The following ADGRL2 variants were observed in gnomAD, a reference collection of about 807,000 sequenced individuals.
ADGRL2 encodes the protein calcium-independent alpha-latrotoxin receptor 2.
In ADGRL2, 44 loss-of-function variants were observed where a neutral mutation model predicts 157.4. That is an observed-to-expected ratio of 0.28 (90% CI 0.22 to 0.36). The LOEUF is 0.36. ADGRL2 is among the 10% of genes least tolerant of loss of function. The pLI, the probability that ADGRL2 is intolerant of heterozygous loss-of-function variation, is 1.00. For missense variants in ADGRL2, 1,510 were observed against 1,768.9 expected, an observed-to-expected ratio of 0.85 and a Z score of 2.63; for synonymous variants, 585 against 624.7, an observed-to-expected ratio of 0.94 and a Z score of 0.95.
intron 2 of ADGRL2, among the ~76,000 whole-genome samples, chr1:81,563,954 A>G (rs147323541): frequency 6.6e-6 from 1 of 152,328 alleles, no homozygotes; most frequent in East Asian, 1.9e-4. Flanking sequence ...TCTATAAGGT[A>G]GTTTAGTGTA....
chr1:81,494,080 G>A (rs1557733394), intron 2 of ADGRL2, among the ~76,000 whole-genome samples: 1 of 152,126 alleles, frequency 6.6e-6, no homozygotes, highest in Non-Finnish European at 1.5e-5. Flanking sequence ...TCTCCTTCAT[G>A]TTTTGACAAT....
chr1:81,830,252 A>G (rs574029979), intron 1 of ADGRL2, among the ~76,000 whole-genome samples: 1 of 152,288 alleles, frequency 6.6e-6, no homozygotes, highest in South Asian at 2.1e-4. Flanking sequence ...TCGTTTTAGC[A>G]CTGGATATCC....
chr1:81,880,166 T>C (rs12145428), intron 2 of ADGRL2, among the ~76,000 whole-genome samples: 38,782 of 152,146 alleles, frequency 0.25, 6,000 homozygotes, highest in Middle Eastern at 0.49. Flanking sequence ...GTTGCCTTTT[T>C]CAAAGAGTGA....
chr1:81,919,383 T>C (rs943407254), intron 3 of ADGRL2, among the ~76,000 whole-genome samples: 1 of 152,090 alleles, frequency 6.6e-6, no homozygotes, highest in Admixed American at 6.6e-5. Context: ...TAATATACTT[T>C]GCTTTTATAC....
intron 1 of ADGRL2, among the ~76,000 whole-genome samples, chr1:81,326,947 A>T (rs1424293128): frequency 6.6e-6 from 1 of 152,214 alleles, no homozygotes; most frequent in Admixed American, 6.5e-5. Context: ...TTATTTTTCC[A>T]GTTCCTCTTT....
chr1:81,505,740 C>CAAAAAAAAAAAAAAAAA (rs59062091), intron 2 of ADGRL2, among the ~76,000 whole-genome samples: 1 of 85,082 alleles, frequency 1.2e-5, no homozygotes, highest in Non-Finnish European at 2.4e-5. Flanking sequence ...TGTCCTCCTG[C>CAAAAAAAAAAAAAAAAA]AAAAAAAAAA....
chr1:81,781,321 C>T (rs772089453), intron 2 of ADGRL2, among the ~76,000 whole-genome samples: 3 of 151,988 alleles, frequency 2.0e-5, no homozygotes, highest in Non-Finnish European at 2.9e-5. Context: ...CAGGACCTGC[C>T]GTAGTGACAA....
intron 8 of ADGRL2, 36 bp from the exon 9 acceptor site, chr1:81,951,921 A>C (rs762040456): frequency 6.5e-7 from 1 of 1,531,898 alleles, no homozygotes; most frequent in Non-Finnish European, 8.8e-7. Context: ...AACAGAAAAA[A>C]AAATTTAAAT....
At chr1:81,502,361 G>A (rs939408328) in intron 2 of ADGRL2, 2 of 1,614,168 alleles carry the variant, frequency 1.2e-6, no homozygotes, top group Admixed American at 1.7e-5. Context: ...GAGTGATGAT[G>A]CAGATGGAGG....
intron 6 of ADGRL2, among the ~76,000 whole-genome samples, chr1:81,945,575 T>A (rs183082333): frequency 8.4e-4 from 128 of 152,228 alleles, no homozygotes; most frequent in African/African-American, 3.0e-3. Context: ...TGGTTAGTAA[T>A]GTCATCCTCC....
intron 1 of ADGRL2, among the ~76,000 whole-genome samples, chr1:81,330,680 A>G (rs1369847502): frequency 1.3e-5 from 2 of 152,296 alleles, no homozygotes; most frequent in African/African-American, 4.8e-5. Flanking sequence ...AACACATGGC[A>G]TACTTAATCA....
At chr1:81,755,569 C>T (rs925081210) in intron 1 of ADGRL2, among the ~76,000 whole-genome samples, 1 of 152,014 alleles carries the variant, frequency 6.6e-6, no homozygotes, top group African/African-American at 2.4e-5. Context: ...TCACTGAGAC[C>T]ACAATTATTT....
chr1:81,822,476 TAA>T (rs2091086743), intron 1 of ADGRL2, among the ~76,000 whole-genome samples: 2 of 151,854 alleles, frequency 1.3e-5, no homozygotes, highest in South Asian at 4.1e-4. Flanking sequence ...TACATTTATA[TAA>T]TCCCTGGGTT....
intron 2 of ADGRL2, among the ~76,000 whole-genome samples, chr1:81,467,891 T>C (rs1003894184): frequency 4.6e-5 from 7 of 152,076 alleles, no homozygotes; most frequent in African/African-American, 4.8e-5. Context: ...AATTAATCTT[T>C]TCAAATTAAA....
intron 1 of ADGRL2, among the ~76,000 whole-genome samples, chr1:81,707,820 A>G (rs1156900087): frequency 6.6e-6 from 1 of 152,164 alleles, no homozygotes; most frequent in South Asian, 2.1e-4. Flanking sequence ...CTACATGCAG[A>G]TACCCCTTTA....
intron 1 of ADGRL2, among the ~76,000 whole-genome samples, chr1:81,833,673 G>C (rs2092100909): frequency 6.6e-6 from 1 of 152,164 alleles, no homozygotes; most frequent in Non-Finnish European, 1.5e-5. Context: ...GTCCTTTTAA[G>C]TAATTTTGCG....
At chr1:81,956,241 T>A (rs1364737401) in intron 11 of ADGRL2, among the ~76,000 whole-genome samples, 181 bp downstream of exon 11, 2 of 152,176 alleles carry the variant, frequency 1.3e-5, no homozygotes, top group African/African-American at 4.8e-5. Context: ...AAAGCCAAAC[T>A]CTATCCTGTG....
chr1:81,941,986 T>A, intron 4 of ADGRL2, 48 bp from the exon 5 acceptor site: 1 of 752,810 alleles, frequency 1.3e-6, no homozygotes, highest in Non-Finnish European at 2.5e-6. Context: ...CTTTTTTCTT[T>A]TTTCCTTGCA....
At chr1:81,656,993 G>A (rs1376568623) in intron 3 of ADGRL2, among the ~76,000 whole-genome samples, 3 of 136,938 alleles carry the variant, frequency 2.2e-5, no homozygotes, top group Non-Finnish European at 4.6e-5. Context: ...CTAGGTGATG[G>A]AGTGAGACCC....
Sources: gnomAD v4.1 joint callset for allele counts (sites outside exome capture counted in the v4.1 genomes callset) on GRCh38, gnomAD v4.1.1 for gene constraint, MANE v1.5 for transcripts, NCBI Gene and HGNC (gene_info 2026-07-23, HGNC 2026-07-21) for gene names.